VTA1: variants seen among roughly 807,000 people sequenced by gnomAD.
The protein encoded by VTA1 is vacuolar protein sorting-associated protein VTA1 homolog.
A neutral mutation model predicts 36.9 loss-of-function variants in VTA1; 24 were observed. The ratio of observed to expected loss-of-function variants is 0.65; its 90% CI spans 0.47 to 0.91. The LOEUF (loss-of-function observed/expected upper bound fraction) is 0.91, where lower values mean the gene tolerates loss of function less well. Ranked by LOEUF, VTA1 falls within the 40% of genes least tolerant of loss-of-function variation. The pLI, the probability that VTA1 is intolerant of heterozygous loss-of-function variation, is 0.00. For synonymous variants in VTA1, 142 were observed against 130.2 expected (o/e 1.09, Z -0.62); for missense variants, 393 against 377.2 (o/e 1.04, Z -0.35).
chr6:142,196,819 C>G (rs904792179), intron 5 of VTA1, among the ~76,000 whole-genome samples: 1 of 152,046 alleles, frequency 6.6e-6, no homozygotes, highest in Non-Finnish European at 1.5e-5. Flanking sequence ...ATCCTGTTAT[C>G]TTTCTCTGCA....
At chr6:142,167,295 C>T (rs1178613125) in intron 2 of VTA1, among the ~76,000 whole-genome samples, 1 of 152,160 alleles carries the variant, frequency 6.6e-6, no homozygotes, top group Admixed American at 6.5e-5. Flanking sequence ...AGGACTCTGT[C>T]CTGTAACTCC....
At chr6:142,204,385 C>G (rs559248619) in intron 7 of VTA1, among the ~76,000 whole-genome samples, 19 of 151,918 alleles carry the variant, frequency 1.3e-4, no homozygotes, top group African/African-American at 4.6e-4. Context: ...TAATTTAGTT[C>G]GAGATTACCA....
At chr6:142,147,780 A>G (rs970353325) in intron 1 of VTA1, among the ~76,000 whole-genome samples, 1 of 152,228 alleles carries the variant, frequency 6.6e-6, no homozygotes, top group Non-Finnish European at 1.5e-5. Context: ...AGTGATGTGG[A>G]TAAAAGGACG....
chr6:142,158,674 C>G (rs1341484216), intron 1 of VTA1, among the ~76,000 whole-genome samples: 1 of 152,068 alleles, frequency 6.6e-6, no homozygotes, highest in African/African-American at 2.4e-5. Flanking sequence ...TATTGGTTTT[C>G]TATGTCTCAT....
chr6:142,154,378 T>C (rs1778621100), intron 1 of VTA1, among the ~76,000 whole-genome samples: 1 of 152,116 alleles, frequency 6.6e-6, no homozygotes. Flanking sequence ...GTTTAATCAT[T>C]GAAGACATTT....
intron 5 of VTA1, among the ~76,000 whole-genome samples, chr6:142,192,702 T>TTGTGTG (rs35330800): frequency 1.7e-4 from 25 of 149,352 alleles, no homozygotes; most frequent in African/African-American, 4.6e-4. Flanking sequence ...TTTTATATAT[T>TTGTGTG]TGTGTGTGTG....
chr6:142,168,084 G>T (rs1428787411), intron 2 of VTA1, among the ~76,000 whole-genome samples: 1 of 152,090 alleles, frequency 6.6e-6, no homozygotes, highest in African/African-American at 2.4e-5. Flanking sequence ...CATGGTAAGG[G>T]CACACTGTGG....
intron 1 of VTA1, among the ~76,000 whole-genome samples, chr6:142,149,885 C>T (rs1778534569): frequency 6.6e-6 from 1 of 151,986 alleles, no homozygotes; most frequent in Non-Finnish European, 1.5e-5. Context: ...TTTCTATTCT[C>T]TCATAAAAGT....
At chr6:142,170,313 A>G (rs1264827733) in intron 3 of VTA1, 33 bp from the exon 4 acceptor site, 7 of 1,396,862 alleles carry the variant, frequency 5.0e-6, no homozygotes, top group African/African-American at 5.5e-5. Flanking sequence ...TGTGTTTCAT[A>G]TTTAAACTAG....
At chr6:142,208,250 T>C (rs1005721052) in intron 7 of VTA1, among the ~76,000 whole-genome samples, 11 of 152,024 alleles carry the variant, frequency 7.2e-5, no homozygotes, top group Non-Finnish European at 1.5e-4. Flanking sequence ...GAATAATTTT[T>C]CAAAAAAAAT....
intron 4 of VTA1, among the ~76,000 whole-genome samples, chr6:142,181,685 T>G (rs225672): frequency 2.0e-5 from 3 of 151,470 alleles, no homozygotes; most frequent in Non-Finnish European, 4.4e-5. Flanking sequence ...GTTACCGACC[T>G]TACCTTGTTT....
chr6:142,185,594 T>C (rs1775324172), intron 4 of VTA1, among the ~76,000 whole-genome samples: 1 of 152,206 alleles, frequency 6.6e-6, no homozygotes, highest in Non-Finnish European at 1.5e-5. Flanking sequence ...TTGCTCAGGA[T>C]TTTGAAAAAT....
chr6:142,202,813 A>G (rs901757365), intron 6 of VTA1, among the ~76,000 whole-genome samples: 8 of 151,948 alleles, frequency 5.3e-5, no homozygotes, highest in African/African-American at 1.7e-4. Context: ...TTTTTGTACT[A>G]TATAAAATTT....
Position 142,189,455 on chromosome 6 carries a change from G to A in VTA1, c.441G>A (p.Trp147Ter). ...ENVKHRKYARWKATYIHNCLK... is the reference protein window; with the variant it reads ...ENVKHRKYAR ...TGAAACACAGGAAGTATGCCAGATGGAAGGCAACATACATCCATAATTGTT... is the reference window on the plus strand; with the variant it reads ...TGAAACACAGGAAGTATGCCAGATGAAAGGCAACATACATCCATAATTGTT... The change falls in exon 5 of 8, where the codon TGG becomes TGA. Residue 147 changes from tryptophan (W) to a stop codon, truncating the protein, a stop_gained. Coordinates refer to ENST00000367630, the MANE Select transcript of VTA1 (RefSeq NM_016485.5). LOFTEE classifies it high-confidence loss of function. 1 of 1,613,946 alleles carries A rather than the reference G, an allele frequency of 6.2e-7. No homozygotes were observed. The highest frequency in any genetic ancestry group is 8.5e-7 in the Non-Finnish European group (1 of 1,179,940).
chr6:142,173,504 C>G (rs887400652), intron 4 of VTA1, among the ~76,000 whole-genome samples: 1 of 152,162 alleles, frequency 6.6e-6, no homozygotes, highest in African/African-American at 2.4e-5. Flanking sequence ...CTCCTGATCT[C>G]GTGATCTGCC....
Position 142,192,702 on chromosome 6 carries a change from TTGTGTGTGTGTG to T in VTA1, c.520+3184_520+3195del, listed in dbSNP as rs35330800. Among the ~76,000 whole-genome samples, 37 of 149,354 alleles carry T rather than the reference TTGTGTGTGTGTG, an allele frequency of 2.5e-4. No homozygotes were observed. In the East Asian group the frequency reaches 5.4e-3, roughly 22 times the overall value. On this transcript the variant is annotated intron_variant, in intron 5 of 7. Coordinates refer to ENST00000367630, the MANE Select transcript of VTA1 (RefSeq NM_016485.5). Reference sequence around the variant, plus strand: ...AAGGACATGAGGTTATTTTATATATTTGTGTGTGTGTGTGTGTGTGTGTGTGTAAAATTTCAA... The same window carrying T: ...AAGGACATGAGGTTATTTTATATATTTGTGTGTGTGTGTGTAAAATTTCAA...
intron 4 of VTA1, among the ~76,000 whole-genome samples, chr6:142,180,973 G>C (rs940545088): frequency 2.0e-5 from 3 of 150,004 alleles, no homozygotes; most frequent in Non-Finnish European, 4.4e-5. Flanking sequence ...GGATCAGACT[G>C]TGTAACTATT....
At chr6:142,215,403 T>A (rs1405954429) in intron 7 of VTA1, among the ~76,000 whole-genome samples, 1 of 150,902 alleles carries the variant, frequency 6.6e-6, no homozygotes, top group Non-Finnish European at 1.5e-5. Context: ...ATCATGCCAC[T>A]GCACTCCAGC....
In VTA1 at chr6:142,180,573, A is replaced by C. The variant is rs991013511; in HGVS notation, c.412-8853A>C. On this transcript the variant is annotated intron_variant, in intron 4 of 7. Coordinates refer to ENST00000367630, the MANE Select transcript of VTA1 (RefSeq NM_016485.5). Reference sequence around the variant, plus strand: ...GTTTGATAAAAAGAAGTATATTTACATGTCTCTGAATATCTTACCAAATTG... The same window carrying C: ...GTTTGATAAAAAGAAGTATATTTACCTGTCTCTGAATATCTTACCAAATTG... Among the ~76,000 whole-genome samples, 4 of 152,248 alleles carry C rather than the reference A, an allele frequency of 2.6e-5. No homozygotes were observed. The East Asian group carries it at 7.7e-4, about 29-fold the overall frequency.
Sources: gnomAD v4.1 joint callset for allele counts (sites outside exome capture counted in the v4.1 genomes callset) on GRCh38, gnomAD v4.1.1 for gene constraint, MANE v1.5 for transcripts, NCBI Gene and HGNC (gene_info 2026-07-23, HGNC 2026-07-21) for gene names.